The following DDX21 variants were observed in gnomAD, a reference collection of about 807,000 sequenced individuals.
DDX21 encodes the protein DExD-box helicase 21.
DDX21 carries 18 observed loss-of-function variants against 90.0 expected under a neutral mutation model. The observed-to-expected ratio is 0.20, with a 90% CI of 0.14 to 0.30. The LOEUF is 0.30. Among genes scored for constraint, DDX21 ranks in the 10% least tolerant of loss-of-function variants. The probability of loss-of-function intolerance (pLI) is 1.00; values close to 1 mark genes in which losing one functional copy is unlikely to be tolerated. For synonymous variants in DDX21, 294 were observed against 318.0 expected, an observed-to-expected ratio of 0.92 and a Z score of 0.80; for missense variants, 673 against 944.5, an observed-to-expected ratio of 0.71 and a Z score of 3.77.
At chr10:68,959,596 G>A (rs558661461) in intron 1 of DDX21, among the ~76,000 whole-genome samples, 9 of 152,120 alleles carry the variant, frequency 5.9e-5, no homozygotes, top group African/African-American at 1.7e-4. Context: ...ATATATACCC[G>A]TCTATATATA....
intron 8 of DDX21, 132 bp downstream of exon 8, chr10:68,970,482 C>G: frequency 1.2e-6 from 1 of 817,002 alleles, no homozygotes; most frequent in Non-Finnish European, 1.7e-6. Context: ...TGAGAGGAAG[C>G]TACTTTTTTT....
chr10:68,956,491 G>T, intron 1 of DDX21, 179 bp downstream of exon 1: 1 of 1,443,050 alleles, frequency 6.9e-7, no homozygotes, highest in South Asian at 1.4e-5. Flanking sequence ...GGCAGTGGAC[G>T]CGTCGTTTGC....
Position 68,964,741 on chromosome 10 carries a change from C to G in DDX21, c.787-636C>G, listed in dbSNP as rs544927062. Among the ~76,000 whole-genome samples, 5 of 144,474 alleles carry G rather than the reference C, an allele frequency of 3.5e-5. No homozygotes were observed. In the East Asian group the frequency reaches 1.0e-3, roughly 30 times the overall value. The allele number at this position is 144,474 out of a possible 152,430, so 94.8% of individuals were successfully genotyped here. ...TGCGGTGGTGCAATCTTAACCTCTG[C>G]CTCGCAGGTTTAAGTGATCCTCCCG... On this transcript the variant is annotated intron_variant, in intron 4 of 14. Coordinates refer to ENST00000354185, the MANE Select transcript of DDX21 (RefSeq NM_004728.4).
Position 68,959,834 on chromosome 10 carries a change from A to T in DDX21, c.116A>T (p.Asp39Val). Residue 39 changes from aspartate (D) to valine (V), a missense_variant, in exon 2 of 15, where the codon GAT (aspartate) becomes GTT (valine). By Grantham distance (152) the Asp-to-Val change is radical (BLOSUM62 -3). Coordinates refer to ENST00000354185, the MANE Select transcript of DDX21 (RefSeq NM_004728.4). ...GAGAAAAAAGAGAAGCCAAAATCTG[A>T]TAAGACTGAAGAGATAGCAGAAGAG... ...EKEKKEKPKS[D>V]KTEEIAEEEE... The T allele has an allele frequency of 6.4e-7, 1 of 1,553,424 alleles. No homozygotes were observed. Among genetic ancestry groups the T allele is most frequent in the Non-Finnish European group, 8.6e-7 (1 of 1,161,904 alleles).
intron 2 of DDX21, among the ~76,000 whole-genome samples, chr10:68,960,581 C>T (rs1449102248): frequency 6.6e-6 from 1 of 152,048 alleles, no homozygotes; most frequent in African/African-American, 2.4e-5. Flanking sequence ...CCTACCTTAG[C>T]CTCCTCAGTA....
At position 68,963,338 on chromosome 10, in the gene DDX21, C is replaced by G. The variant is rs1406065639; in HGVS notation, c.655C>G (p.His219Asp). 2 of 1,614,020 alleles carry G rather than the reference C, an allele frequency of 1.2e-6. No individual in the cohort carries two copies. Among genetic ancestry groups the G allele is most frequent in the East Asian group, 4.5e-5 (2 of 44,882 alleles). The change falls in exon 4 of 15, where the codon CAT becomes GAT. Residue 219 changes from histidine (H) to aspartate (D), a missense_variant. This residue lies in a region of DDX21 where 218 missense variants were observed against 347.3 expected (regional missense o/e 0.63). Transcript: ENST00000354185. ...LFPIQAKTFH[H>D]VYSGKDLIAQ... ...TCCTATACAAGCAAAGACATTCCAT[C>G]ATGTTTACAGCGGGAAGGACTTAAT...
At chr10:68,965,594 A>T (rs1842929178) in intron 5 of DDX21, 100 bp downstream of exon 5, 1 of 827,064 alleles carries the variant, frequency 1.2e-6, no homozygotes, top group Non-Finnish European at 1.9e-6. Context: ...TCTATATAGG[A>T]TAGTCGTTTA....
rs1348766677 is a variant in DDX21, at chr10:68,971,790, G to A, written c.1387-101G>A. 23 of 1,200,648 alleles carry A rather than the reference G, an allele frequency of 1.9e-5. No homozygotes were observed. The East Asian group carries it at 4.5e-4, about 23-fold the overall frequency. 74.4% of individuals were successfully genotyped at this position (1,200,648 alleles called of 1,614,324 possible). ...CCTTTGTAATGTTTTCAACAGGCATGTCACCAAAATATGAATGTCTTTTAC... is the reference window on the plus strand; with the variant it reads ...CCTTTGTAATGTTTTCAACAGGCATATCACCAAAATATGAATGTCTTTTAC... On this transcript the variant is annotated intron_variant, in intron 8 of 14. Transcript: ENST00000354185.
At chr10:68,977,502 T>G (rs770400164) in intron 11 of DDX21, 27 bp from the exon 12 acceptor site, 1 of 1,561,312 alleles carries the variant, frequency 6.4e-7, no homozygotes, top group Non-Finnish European at 8.7e-7. Context: ...CTAGTATCCT[T>G]TCTCCTAACA....
At chr10:68,967,283 C>G in intron 6 of DDX21, 80 bp downstream of exon 6, 1 of 1,387,692 alleles carries the variant, frequency 7.2e-7, no homozygotes, top group Non-Finnish European at 9.8e-7. Flanking sequence ...AAGTGACTCT[C>G]ATGCCTCAGC....
intron 13 of DDX21, among the ~76,000 whole-genome samples, chr10:68,980,635 G>A (rs780967756): frequency 3.7e-4 from 57 of 152,226 alleles, no homozygotes; most frequent in South Asian, 8.3e-4. Context: ...GGAGAGGAGT[G>A]CCTGTATTAG....
At chr10:68,957,761 T>C (rs1486015219) in intron 1 of DDX21, among the ~76,000 whole-genome samples, 1 of 117,168 alleles carries the variant, frequency 8.5e-6, no homozygotes, top group African/African-American at 3.0e-5. Context: ...TGTTTTTTGT[T>C]GGCTAGGAGA....
Position 68,956,206 on chromosome 10 carries a change from C to A in DDX21, c.-20C>A, listed in dbSNP as rs553103765. Reference sequence around the variant, plus strand: ...CACGCGGTTGAGAAGACCGGTCGGCCTGGGCAACCTGCGCTGAAGATGCCG... The same window carrying A: ...CACGCGGTTGAGAAGACCGGTCGGCATGGGCAACCTGCGCTGAAGATGCCG... On this transcript the variant is annotated 5_prime_UTR_variant, in exon 1 of 15. In the 5' UTR this introduces an upstream ATG that the reference lacks. Coordinates refer to ENST00000354185, the MANE Select transcript of DDX21 (RefSeq NM_004728.4). The A allele has an allele frequency of 6.2e-6, 10 of 1,613,266 alleles. No individual in the cohort carries two copies. In the Admixed American group the frequency reaches 1.3e-4, roughly 22 times the overall value.
At chr10:68,980,831 C>T (rs1004208987) in intron 13 of DDX21, among the ~76,000 whole-genome samples, 3 of 44,162 alleles carry the variant, frequency 6.8e-5, no homozygotes, top group Non-Finnish European at 1.2e-4. Context: ...CCTGTCTCTA[C>T]CAAAAAAAAA....
intron 1 of DDX21, 104 bp from the exon 2 acceptor site, chr10:68,959,699 ATTT>A (rs1462210069): frequency 1.1e-6 from 1 of 894,686 alleles, no homozygotes; most frequent in Non-Finnish European, 1.6e-6. Context: ...CCAAAATTGT[ATTT>A]TTTAAAGTTG....
In DDX21 at chr10:68,982,887, A is replaced by C; in HGVS notation, c.*75A>C. 6.4e-7 allele frequency: 1 copy of C among 1,554,708 alleles called. No homozygotes were observed. On this transcript the variant is annotated 3_prime_UTR_variant, in exon 15 of 15. Transcript: ENST00000354185. ...TAGAACTGAACATTATTTTTCATGC[A>C]AAGTTAAAAGCACATTGTGCCTCCT...
chr10:68,965,462 G>A lies in DDX21; in HGVS notation c.872G>A (p.Cys291Tyr), dbSNP rs778129683. The A allele has an allele frequency of 9.3e-6, 15 of 1,613,528 alleles. No homozygotes were observed. Among genetic ancestry groups the A allele is most frequent in the African/African-American group, 1.3e-5 (1 of 74,940 alleles). ...SDITKKLSVA[C>Y]FYGGTPYGGQ... ...ATCACAAAAAAGCTGTCAGTGGCTTGTTTTTATGGTGGAACTCCCTATGGA... is the reference window on the plus strand; with the variant it reads ...ATCACAAAAAAGCTGTCAGTGGCTTATTTTTATGGTGGAACTCCCTATGGA... Residue 291 changes from cysteine (C) to tyrosine (Y), a missense_variant, in exon 5 of 15, where the codon TGT becomes TAT. Around this residue, in one of 4 missense-constraint regions of DDX21, gnomAD observed 218 missense variants for 347.3 expected, o/e 0.63. Transcript: ENST00000354185.
chr10:68,962,999 C>T (rs1474705633), intron 3 of DDX21, among the ~76,000 whole-genome samples: 1 of 152,136 alleles, frequency 6.6e-6, no homozygotes, highest in Non-Finnish European at 1.5e-5. Context: ...TGATGGCTTG[C>T]ACCTGTAATC....
chr10:68,973,502 CTCTT>C (rs1843054401), intron 9 of DDX21, 39 bp from the exon 10 acceptor site: 1 of 1,612,552 alleles, frequency 6.2e-7, no homozygotes, highest in Non-Finnish European at 8.5e-7. Context: ...GTGTTTGTCT[CTCTT>C]TTTTGGTTTA....
Sources: allele counts gnomAD v4.1 joint callset (sites outside exome capture counted in the v4.1 genomes callset), GRCh38; gene constraint gnomAD v4.1.1; regional missense constraint gnomAD v4.1.1; transcripts MANE v1.5; gene names NCBI Gene and HGNC (gene_info 2026-07-23, HGNC 2026-07-21).